The following THSD7B variants were observed in gnomAD, a reference collection of about 807,000 sequenced individuals.
THSD7B encodes thrombospondin type-1 domain-containing protein 7B.
Under a neutral mutation model 213.6 loss-of-function variants are expected in THSD7B, and 138 were observed. That is an observed-to-expected ratio of 0.65 (90% CI 0.56 to 0.74). The LOEUF (loss-of-function observed/expected upper bound fraction) is 0.74. Among genes scored for constraint, THSD7B ranks in the 30% least tolerant of loss-of-function variants. The pLI, the probability that THSD7B is intolerant of heterozygous loss-of-function variation, is 0.00. For missense variants in THSD7B, 1,931 were observed against 1,991.5 expected, an observed-to-expected ratio of 0.97 and a Z score of 0.58; for synonymous variants, 742 against 687.0, an observed-to-expected ratio of 1.08 and a Z score of -1.25.
intron 7 of THSD7B, among the ~76,000 whole-genome samples, chr2:137,198,633 G>A (rs1489193185): frequency 6.6e-6 from 1 of 152,098 alleles, no homozygotes; most frequent in African/African-American, 2.4e-5. Flanking sequence ...TGCACTTTAA[G>A]TGGTAAAATG....
intron 14 of THSD7B, among the ~76,000 whole-genome samples, chr2:137,420,599 G>A (rs1686903070): frequency 6.6e-6 from 1 of 152,104 alleles, no homozygotes; most frequent in Non-Finnish European, 1.5e-5. Context: ...CCTGAGAGAT[G>A]GACCATGAAC....
intron 15 of THSD7B, among the ~76,000 whole-genome samples, chr2:137,474,247 T>G (rs886696834): frequency 7.2e-5 from 11 of 152,194 alleles, no homozygotes; most frequent in Admixed American, 2.0e-4. Flanking sequence ...TTCCAGAAAT[T>G]TACTTTATGT....
At chr2:137,196,280 C>A (rs186787962) in intron 7 of THSD7B, among the ~76,000 whole-genome samples, 1 of 152,124 alleles carries the variant, frequency 6.6e-6, no homozygotes, top group Non-Finnish European at 1.5e-5. Context: ...CTTGGTCCTT[C>A]AGCTGCTTCT....
intron 15 of THSD7B, among the ~76,000 whole-genome samples, chr2:137,557,699 A>G: frequency 6.6e-6 from 1 of 152,206 alleles, no homozygotes; most frequent in Non-Finnish European, 1.5e-5. Flanking sequence ...GCAGAAGGCA[A>G]GAAATAACTA....
chr2:137,440,528 A>C (rs1687386076), intron 14 of THSD7B, among the ~76,000 whole-genome samples: 1 of 150,992 alleles, frequency 6.6e-6, no homozygotes, highest in African/African-American at 2.4e-5. Context: ...AGAAGTCCTT[A>C]GTTTAGGGAC....
chr2:136,929,356 A>G (rs1684592569), intron 2 of THSD7B, among the ~76,000 whole-genome samples: 1 of 152,198 alleles, frequency 6.6e-6, no homozygotes, highest in Non-Finnish European at 1.5e-5. Flanking sequence ...CCCACTTGCT[A>G]TGACTTCCCA....
intron 2 of THSD7B, among the ~76,000 whole-genome samples, chr2:137,025,817 G>C (rs746838705): frequency 5.3e-5 from 8 of 152,082 alleles, no homozygotes; most frequent in Admixed American, 3.3e-4. Flanking sequence ...TAGAGTTCCT[G>C]ACTGGCAGGT....
chr2:137,319,809 G>T (rs902607726), intron 12 of THSD7B, among the ~76,000 whole-genome samples: 1 of 152,070 alleles, frequency 6.6e-6, no homozygotes, highest in Admixed American at 6.5e-5. Context: ...TTTTCTTAAG[G>T]CTTGGCGGTG....
chr2:137,137,193 G>A (rs752212939), intron 5 of THSD7B, among the ~76,000 whole-genome samples: 4 of 152,140 alleles, frequency 2.6e-5, no homozygotes, highest in African/African-American at 9.7e-5. Flanking sequence ...TTCAAATGAT[G>A]TGTATATTTT....
At chr2:136,927,360 C>T (rs1684555102) in intron 2 of THSD7B, among the ~76,000 whole-genome samples, 1 of 152,134 alleles carries the variant, frequency 6.6e-6, no homozygotes, top group African/African-American at 2.4e-5. Context: ...GTTGTCTTTT[C>T]ATTATTACGC....
intron 7 of THSD7B, among the ~76,000 whole-genome samples, chr2:137,213,938 T>A (rs769412890): frequency 2.6e-5 from 4 of 152,128 alleles, no homozygotes; most frequent in Non-Finnish European, 5.9e-5. Context: ...ATTTTTAGAA[T>A]CTACTTACTG....
intron 1 of THSD7B, among the ~76,000 whole-genome samples, chr2:136,857,757 A>G (rs1683198379): frequency 6.6e-6 from 1 of 152,210 alleles, no homozygotes; most frequent in African/African-American, 2.4e-5. Flanking sequence ...GACTACTCCA[A>G]CAAAATCTCA....
At chr2:137,616,902 T>C (rs2104838889) in intron 18 of THSD7B, among the ~76,000 whole-genome samples, 1 of 152,320 alleles carries the variant, frequency 6.6e-6, no homozygotes, top group East Asian at 1.9e-4. Context: ...CTACTTGCCA[T>C]TCCCTGCAGC....
chr2:137,459,163 A>G (rs1251990378), intron 15 of THSD7B, among the ~76,000 whole-genome samples: 1 of 152,102 alleles, frequency 6.6e-6, no homozygotes, highest in Non-Finnish European at 1.5e-5. Context: ...TATCTTTTAA[A>G]AAAAAAATCT....
At chr2:137,406,942 A>G (rs1029840870) in intron 13 of THSD7B, among the ~76,000 whole-genome samples, 1 of 152,338 alleles carries the variant, frequency 6.6e-6, no homozygotes, top group East Asian at 1.9e-4. Context: ...GTTGAAGTTC[A>G]GGGGCCAATG....
chr2:137,616,884 T>C (rs970779292), intron 18 of THSD7B, among the ~76,000 whole-genome samples: 5 of 152,232 alleles, frequency 3.3e-5, no homozygotes, highest in African/African-American at 1.2e-4. Flanking sequence ...TATAGTTACA[T>C]TGATCCGCTA....
chr2:137,210,497 G>A (rs1299100416), intron 7 of THSD7B, among the ~76,000 whole-genome samples: 1 of 152,024 alleles, frequency 6.6e-6, no homozygotes, highest in Non-Finnish European at 1.5e-5. Context: ...TTACAGTTAT[G>A]TAGGAGACTC....
intron 12 of THSD7B, among the ~76,000 whole-genome samples, chr2:137,328,850 C>T (rs1222605396): frequency 6.6e-6 from 1 of 152,166 alleles, no homozygotes; most frequent in African/African-American, 2.4e-5. Flanking sequence ...CATTATCTCT[C>T]CTGCTTCCCT....
At chr2:136,783,076 T>A (rs1681773270) in intron 1 of THSD7B, among the ~76,000 whole-genome samples, 1 of 152,226 alleles carries the variant, frequency 6.6e-6, no homozygotes, top group South Asian at 2.1e-4. Flanking sequence ...TGCATGCTCA[T>A]CTTCTTCATT....
Sources: allele counts gnomAD v4.1 joint callset (sites outside exome capture counted in the v4.1 genomes callset), GRCh38; gene constraint gnomAD v4.1.1; transcripts MANE v1.5; gene names NCBI Gene and HGNC (gene_info 2026-07-23, HGNC 2026-07-21).